Variants in CACNA1C observed in about 807,000 individuals in gnomAD.
CACNA1C encodes calcium voltage-gated channel subunit alpha1 C, also known as voltage-dependent L-type calcium channel subunit alpha-1C.
In CACNA1C, 30 loss-of-function variants were observed where a neutral mutation model predicts 229.0. The observed-to-expected ratio is 0.13, with a 90% CI of 0.10 to 0.18. The LOEUF (loss-of-function observed/expected upper bound fraction) is 0.18. Among genes scored for constraint, CACNA1C ranks in the 10% least tolerant of loss-of-function variants. CACNA1C has a pLI of 1.00. For missense variants in CACNA1C, 1,658 were observed against 2,845.0 expected, an observed-to-expected ratio of 0.58 and a Z score of 9.49; for synonymous variants, 1,114 against 1,132.5, an observed-to-expected ratio of 0.98 and a Z score of 0.33.
At position 2,504,895 on chromosome 12, in the gene CACNA1C, C is replaced by T. The variant is rs2154577572; in HGVS notation, c.1167C>T (p.Ile389=). ...CCTGGATCTATTTTGTTACACTAAT[C>T]ATCATAGGGTCATTTTTTGTACTTA... ...DWPWIYFVTL[I]IIGSFFVLNL... Residue 389 remains isoleucine, a synonymous_variant, in exon 8 of 47, where the codon ATC becomes ATT. Coordinates refer to ENST00000399655, the MANE Select transcript of CACNA1C (RefSeq NM_000719.7). This position sits in a 1 kb window ranked among gnomAD's most constrained non-coding sequence, Gnocchi z 6.8. 6.2e-7 allele frequency: 1 copy of T among 1,609,118 alleles called. No homozygotes were observed. The highest frequency in any genetic ancestry group is 8.5e-7 in the Non-Finnish European group (1 of 1,175,646).
rs531085818 is a variant in CACNA1C, at chr12:2,235,399, C to G, written c.477+114969C>G. Among the ~76,000 whole-genome samples the G allele has an allele frequency of 4.6e-4, 70 of 152,338 alleles. 1 individual carries two copies. The South Asian group carries it at 0.014, about 31-fold the overall frequency. ...CTCAGCTGCTGGGCACTGCACCAAC[C>G]CTGATGTGGCAGGACGAGGATGCCA... On this transcript the variant is annotated intron_variant, in intron 3 of 46. Transcript: ENST00000399655.
At position 2,188,243 on chromosome 12, in the gene CACNA1C, A is replaced by G. The variant is rs571272340; in HGVS notation, c.477+67813A>G. ...AAAATGCATCTACCTCGCACATCAA[A>G]TAGAATATATTTGCTATAACACAAT... is the stretch of plus-strand genomic sequence containing the variant. On this transcript the variant is annotated intron_variant, in intron 3 of 46. Transcript: ENST00000399655. Among the ~76,000 whole-genome samples the G allele has an allele frequency of 1.0e-3, 159 of 152,314 alleles. 3 individuals carry two copies. The South Asian group carries it at 0.033, about 31-fold the overall frequency.
intron 3 of CACNA1C, among the ~76,000 whole-genome samples, chr12:2,337,796 C>T (rs1322750021): frequency 6.6e-6 from 1 of 152,246 alleles, no homozygotes. Flanking sequence ...GGACCCACCA[C>T]TGGGGAGGCC....
At chr12:2,688,163 G>C (rs937834666) in intron 45 of CACNA1C, among the ~76,000 whole-genome samples, 3 of 152,230 alleles carry the variant, frequency 2.0e-5, no homozygotes, top group African/African-American at 7.2e-5. Flanking sequence ...GACCAGGCCA[G>C]GGCTAAAAGC....
At chr12:2,411,587 G>A (rs11062221) in intron 3 of CACNA1C, among the ~76,000 whole-genome samples, 3 of 152,150 alleles carry the variant, frequency 2.0e-5, no homozygotes, top group Admixed American at 6.5e-5. Flanking sequence ...CGGAGTCACC[G>A]GAGGCAACCA....
chr12:2,404,871 C>A (rs563291720), intron 3 of CACNA1C, among the ~76,000 whole-genome samples: 71 of 152,224 alleles, frequency 4.7e-4, no homozygotes, highest in African/African-American at 1.6e-3. Context: ...AGAAGAGTAG[C>A]TTTGGGATTA....
intron 3 of CACNA1C, among the ~76,000 whole-genome samples, chr12:2,238,562 A>C (rs2068448821): frequency 6.6e-6 from 1 of 152,216 alleles, no homozygotes; most frequent in Admixed American, 6.5e-5. Flanking sequence ...GTGAATGAGA[A>C]TGGTCAGGTA....
chr12:1,982,790 G>C (rs983625179), intron 1 of CACNA1C, among the ~76,000 whole-genome samples: 3 of 152,094 alleles, frequency 2.0e-5, no homozygotes, highest in African/African-American at 7.2e-5. Flanking sequence ...TCAGGATAAT[G>C]CTGCCCTCAT....
At chr12:2,324,824 T>A (rs756435294) in intron 3 of CACNA1C, among the ~76,000 whole-genome samples, 3 of 152,132 alleles carry the variant, frequency 2.0e-5, no homozygotes, top group Non-Finnish European at 4.4e-5. Flanking sequence ...TTGCTGTCTG[T>A]CTTGCTCTCC....
At chr12:2,586,006 G>T in intron 18 of CACNA1C, 102 bp downstream of exon 18, 1 of 629,848 alleles carries the variant, frequency 1.6e-6, no homozygotes, top group Non-Finnish European at 2.7e-6. Flanking sequence ...CATGGTTCCA[G>T]TGTCCCTCTG....
chr12:2,496,554 C>T (rs1174711515), intron 7 of CACNA1C, among the ~76,000 whole-genome samples: 1 of 152,218 alleles, frequency 6.6e-6, no homozygotes, highest in African/African-American at 2.4e-5. Context: ...CACTTGCTTC[C>T]AGTTGTGGAT....
chr12:2,546,492 C>T (rs2099881457), intron 9 of CACNA1C, among the ~76,000 whole-genome samples: 1 of 152,126 alleles, frequency 6.6e-6, no homozygotes, highest in Non-Finnish European at 1.5e-5. Flanking sequence ...GATGTCTTCA[C>T]ACTTTTCTGT....
intron 3 of CACNA1C, among the ~76,000 whole-genome samples, chr12:2,383,977 C>A (rs921877336): frequency 2.6e-5 from 4 of 152,226 alleles, no homozygotes; most frequent in Non-Finnish European, 5.9e-5. Flanking sequence ...AATCACAGAT[C>A]CTCCGGGTGC....
chr12:2,175,073 G>A (rs906941241), intron 3 of CACNA1C, among the ~76,000 whole-genome samples: 4 of 148,518 alleles, frequency 2.7e-5, no homozygotes, highest in Non-Finnish European at 4.5e-5. Flanking sequence ...AAGGTCAGCT[G>A]TACTTTGGCA....
At chr12:2,222,268 A>G (rs1309340962) in intron 3 of CACNA1C, 1 of 152,236 alleles carries the variant, frequency 6.6e-6, no homozygotes, top group Non-Finnish European at 1.5e-5. Flanking sequence ...ACACTGCCAT[A>G]CATAGGACAA....
chr12:2,203,544 C>T (rs867800664), intron 3 of CACNA1C, among the ~76,000 whole-genome samples: 2 of 152,182 alleles, frequency 1.3e-5, no homozygotes, highest in South Asian at 2.1e-4. Flanking sequence ...TGTTACAGGA[C>T]GGATTAGGAG....
intron 3 of CACNA1C, among the ~76,000 whole-genome samples, chr12:2,202,242 G>A (rs1267827280): frequency 6.6e-6 from 1 of 152,172 alleles, no homozygotes; most frequent in Admixed American, 6.5e-5. Context: ...GGGACACTGA[G>A]CCCAGGCTGC....
chr12:2,093,380 C>T (rs935816200), intron 1 of CACNA1C, among the ~76,000 whole-genome samples: 4 of 152,178 alleles, frequency 2.6e-5, no homozygotes, highest in Non-Finnish European at 4.4e-5. Context: ...ATTGTGAGGC[C>T]ACATAGTGGA....
In CACNA1C at chr12:2,486,144, C is replaced by T. The variant is rs758394964; in HGVS notation, c.798C>T (p.Val266=). The change falls in exon 6 of 47, where the codon GTC becomes GTT. Residue 266 remains valine (V), a synonymous_variant. Transcript: ENST00000399655. The surrounding 1 kb of genome is among the most constrained non-coding windows in gnomAD (Gnocchi z 4.9). ...TGAATTCCATCATCAAGGCCATGGT[C>T]CCCCTGCTGCACATCGCCCTGCTTG... ...VVLNSIIKAM[V]PLLHIALLVL... 2.0e-5 allele frequency: 32 copies of T among 1,611,836 alleles called. No homozygotes were observed. In the African/African-American group the frequency reaches 3.9e-4, roughly 20 times the overall value.
Sources: gnomAD v4.1 joint callset for allele counts (sites outside exome capture counted in the v4.1 genomes callset) on GRCh38, gnomAD v4.1.1 for gene constraint, Gnocchi (gnomAD v3.1) non-coding constraint, MANE v1.5 for transcripts, NCBI Gene and HGNC (gene_info 2026-07-23, HGNC 2026-07-21) for gene names.